NUCB2: variants seen among roughly 807,000 people sequenced by gnomAD.
The protein encoded by NUCB2 is nucleobindin-2.
NUCB2 carries 48 observed loss-of-function variants against 57.9 expected under a neutral mutation model. That is an observed-to-expected ratio of 0.83 (90% CI 0.66 to 1.05). The LOEUF is 1.05. NUCB2 is among the 50% of genes least tolerant of loss of function. NUCB2 has a pLI of 0.00. For missense variants in NUCB2, 442 were observed against 476.2 expected, an observed-to-expected ratio of 0.93 and a Z score of 0.67; for synonymous variants, 139 against 152.1, an observed-to-expected ratio of 0.91 and a Z score of 0.64.
chr11:17,344,565 G>A (rs1193158452), intron 2 of NUCB2, among the ~76,000 whole-genome samples: 1 of 152,120 alleles, frequency 6.6e-6, no homozygotes, highest in African/African-American at 2.4e-5. Flanking sequence ...ACCATTTTCA[G>A]TCTTAAAGTT....
chr11:17,300,595 G>A (rs1313191448), intron 4 of NUCB2, among the ~76,000 whole-genome samples: 1 of 152,156 alleles, frequency 6.6e-6, no homozygotes, highest in Non-Finnish European at 1.5e-5. Context: ...TGCAGCATGT[G>A]TCAGCATTTT....
At chr11:17,343,426 A>G (rs1388905640) in intron 2 of NUCB2, among the ~76,000 whole-genome samples, 1 of 152,194 alleles carries the variant, frequency 6.6e-6, no homozygotes, top group Non-Finnish European at 1.5e-5. Flanking sequence ...ATGTCAGAGT[A>G]TGTGTCATTT....
downstream of NUCB2, chr11:17,332,363 A>C (rs10832765): frequency 0.24 from 36,025 of 151,422 alleles, 4,966 homozygotes; most frequent in East Asian, 0.5. Context: ...CTGAGAAGTC[A>C]ATGTGGCAAT....
chr11:17,338,300 A>G (rs1366807737), intron 2 of NUCB2, among the ~76,000 whole-genome samples: 1 of 152,102 alleles, frequency 6.6e-6, no homozygotes, highest in Non-Finnish European at 1.5e-5. Flanking sequence ...CAGAGCTTTT[A>G]GTTTATATTT....
intron 11 of NUCB2, among the ~76,000 whole-genome samples, chr11:17,329,146 C>T (rs1234627042): frequency 2.6e-5 from 4 of 152,160 alleles, no homozygotes; most frequent in African/African-American, 9.7e-5. Context: ...CCTACTATGG[C>T]TTAGCTGGTA....
At chr11:17,301,272 CTTTTTTTTT>C (rs397848120) in intron 4 of NUCB2, among the ~76,000 whole-genome samples, 16 of 73,278 alleles carry the variant, frequency 2.2e-4, no homozygotes, top group African/African-American at 1.1e-3. Flanking sequence ...CGCGCCTGGC[CTTTTTTTTT>C]TTTTTTTTTT....
intron 2 of NUCB2, among the ~76,000 whole-genome samples, chr11:17,285,034 C>T (rs1943394987): frequency 6.6e-6 from 1 of 152,044 alleles, no homozygotes; most frequent in Non-Finnish European, 1.5e-5. Context: ...TACATACATA[C>T]ATACATACTT....
At chr11:17,302,773 T>A in intron 5 of NUCB2, among the ~76,000 whole-genome samples, 1 of 149,986 alleles carries the variant, frequency 6.7e-6, no homozygotes, top group East Asian at 2.0e-4. Flanking sequence ...GGAGTCTCGC[T>A]CTGTCGCCCA....
At chr11:17,279,544 T>C (rs1942095569) in intron 1 of NUCB2, among the ~76,000 whole-genome samples, 1 of 152,146 alleles carries the variant, frequency 6.6e-6, no homozygotes, top group Admixed American at 6.6e-5. Flanking sequence ...TATACATACA[T>C]AATAATAAAA....
chr11:17,330,859 G>A lies in NUCB2; in HGVS notation c.1174-43G>A, dbSNP rs1289646363. The A allele has an allele frequency of 1.3e-5, 15 of 1,178,020 alleles. No individual in the cohort carries two copies. The highest frequency in any genetic ancestry group is 1.8e-5 in the Non-Finnish European group (14 of 784,396). 73.0% of individuals were successfully genotyped at this position (1,178,020 alleles called of 1,614,324 possible). The stretch of plus-strand genomic sequence containing the variant: ...TTTGTCAAAGGTCACACATATGATA[G>A]AAAATCAAGTTATACTTTTAACTTT... On this transcript the variant is annotated intron_variant, in intron 12 of 13. Coordinates refer to ENST00000529010, the MANE Select transcript of NUCB2 (RefSeq NM_005013.4). The surrounding 1 kb of genome is among the most constrained non-coding windows in gnomAD (Gnocchi z 4.3).
In NUCB2 at chr11:17,330,265, C is replaced by A; in HGVS notation, c.1141C>A (p.Gln381Lys). The part of the protein sequence containing the change: ...QKEELQRQHD[Q>K]LEAQKLEYHQ... The stretch of plus-strand genomic sequence containing the variant: ...AGAAGAGCTACAACGTCAGCATGAT[C>A]AACTGGAGGCTCAGAAGCTGGAATA... Residue 381 changes from glutamine to lysine, a missense_variant, in exon 12 of 14, where the codon CAA becomes AAA. Transcript: ENST00000529010. The surrounding 1 kb of genome is among the most constrained non-coding windows in gnomAD (Gnocchi z 4.3). 1 of 1,606,764 alleles carries A rather than the reference C, an allele frequency of 6.2e-7. No individual in the cohort carries two copies. The highest frequency in any genetic ancestry group is 8.5e-7 in the Non-Finnish European group (1 of 1,178,272).
chr11:17,334,499 C>G (rs1434071178), downstream of NUCB2: 1 of 152,282 alleles, frequency 6.6e-6, no homozygotes, highest in Non-Finnish European at 1.5e-5. Flanking sequence ...ATCTGATGGA[C>G]TGGACCAATC....
At chr11:17,308,472 A>G (rs1018114454) in intron 5 of NUCB2, among the ~76,000 whole-genome samples, 1 of 152,192 alleles carries the variant, frequency 6.6e-6, no homozygotes, top group Non-Finnish European at 1.5e-5. Context: ...GCTAATTCCC[A>G]TTCATCTCTA....
intron 4 of NUCB2, among the ~76,000 whole-genome samples, chr11:17,297,023 G>A (rs1945927373): frequency 6.6e-6 from 1 of 152,118 alleles, no homozygotes; most frequent in Non-Finnish European, 1.5e-5. Context: ...CAGCTCTTCA[G>A]TACTCATAAT....
chr11:17,331,112 T>G, intron 13 of NUCB2, 129 bp downstream of exon 13: 2 of 724,034 alleles, frequency 2.8e-6, no homozygotes, highest in Non-Finnish European at 4.4e-6. Flanking sequence ...TTTTGTGGTA[T>G]TAGAGCAATT....
intron 2 of NUCB2, among the ~76,000 whole-genome samples, chr11:17,343,867 C>T (rs941032421): frequency 1.3e-5 from 2 of 152,106 alleles, no homozygotes; most frequent in African/African-American, 4.8e-5. Context: ...AATCTCAGTC[C>T]TAATCCCATA....
At chr11:17,286,453 TAC>T (rs1943767983) in intron 2 of NUCB2, among the ~76,000 whole-genome samples, 1 of 152,240 alleles carries the variant, frequency 6.6e-6, no homozygotes, top group Admixed American at 6.5e-5. Context: ...GAACTCTGCT[TAC>T]TTTGTAATTT....
Position 17,331,773 on chromosome 11 carries a change from A to G in NUCB2, c.*354A>G, listed in dbSNP as rs1951433079. On this transcript the variant is annotated 3_prime_UTR_variant, in exon 14 of 14. Transcript: ENST00000529010. ...AGAAAACTCTGCCTCTTGCTTTTAA[A>G]TTAGATTGCTCTCACTTACTCGTAA... The G allele has an allele frequency of 5.1e-6, 1 of 197,872 alleles. No individual in the cohort carries two copies. Among genetic ancestry groups the G allele is most frequent in the African/African-American group, 2.3e-5 (1 of 43,358 alleles). 12.3% of individuals were successfully genotyped at this position (197,872 alleles called of 1,614,324 possible).
At chr11:17,281,079 G>A (rs937538689) in intron 1 of NUCB2, among the ~76,000 whole-genome samples, 5 of 152,076 alleles carry the variant, frequency 3.3e-5, no homozygotes, top group African/African-American at 1.2e-4. Context: ...TTTTAAAGTT[G>A]TATGTCAAAC....
Sources: allele counts gnomAD v4.1 joint callset (sites outside exome capture counted in the v4.1 genomes callset), GRCh38; gene constraint gnomAD v4.1.1; non-coding constraint Gnocchi (gnomAD v3.1); transcripts MANE v1.5; gene names NCBI Gene and HGNC (gene_info 2026-07-23, HGNC 2026-07-21).